Variants in INPP4A observed in about 807,000 individuals in gnomAD.
INPP4A encodes inositol polyphosphate-4-phosphatase, type I, 107kD.
INPP4A carries 33 observed loss-of-function variants against 119.8 expected under a neutral mutation model. That is an observed-to-expected ratio of 0.28 (90% CI 0.21 to 0.37). INPP4A has a LOEUF of 0.37. Ranked by LOEUF, INPP4A falls within the 10% of genes least tolerant of loss-of-function variation. The pLI is 1.00. For missense variants in INPP4A, 956 were observed against 1,289.9 expected (o/e 0.74, Z 3.97); for synonymous variants, 496 against 500.7 (o/e 0.99, Z 0.12).
intron 24 of INPP4A, chr2:98,581,524 CT>C: frequency 6.9e-7 from 1 of 1,458,316 alleles, no homozygotes; most frequent in Non-Finnish European, 9.0e-7. Context: ...TCTTTATTTT[CT>C]TTCCTTTCCT....
In INPP4A at chr2:98,566,249, C is replaced by T. The variant is rs150216109; in HGVS notation, c.2420+80C>T. 1.9e-3 allele frequency: 2,599 copies of T among 1,386,224 alleles called. 2 individuals are homozygous for T. Among genetic ancestry groups the T allele is most frequent in the Non-Finnish European group, 2.3e-3 (2,349 of 1,036,870 alleles). 85.9% of individuals were successfully genotyped at this position (1,386,224 alleles called of 1,614,324 possible). On this transcript the variant is annotated intron_variant, in intron 21 of 24. Coordinates refer to ENST00000409851, the MANE Select transcript of INPP4A (RefSeq NM_001134225.2). The surrounding 1 kb of genome is among the most constrained non-coding windows in gnomAD (Gnocchi z 4.2). ...GAAAACGTACTTACCCCTCTTCAGGCTCTAAGTGCTGGACAGACTTTGTCA... is the reference window on the plus strand; with the variant it reads ...GAAAACGTACTTACCCCTCTTCAGGTTCTAAGTGCTGGACAGACTTTGTCA...
At chr2:98,499,794 C>G (rs752515114) in intron 1 of INPP4A, among the ~76,000 whole-genome samples, 2 of 152,210 alleles carry the variant, frequency 1.3e-5, no homozygotes, top group African/African-American at 2.4e-5. Context: ...TCGTAACTTT[C>G]AAGGACAAAA....
intron 1 of INPP4A, among the ~76,000 whole-genome samples, chr2:98,455,517 G>A (rs1338283304): frequency 6.6e-6 from 1 of 152,054 alleles, no homozygotes; most frequent in Non-Finnish European, 1.5e-5. Flanking sequence ...TCCCCAACTT[G>A]CCAGTGACTT....
chr2:98,470,419 C>T (rs910418555), intron 1 of INPP4A, among the ~76,000 whole-genome samples: 3 of 152,246 alleles, frequency 2.0e-5, no homozygotes, highest in Non-Finnish European at 4.4e-5. Context: ...TAAGTCCTTG[C>T]TCCTTAGTGG....
chr2:98,582,843 A>G (rs1319346404), intron 24 of INPP4A, among the ~76,000 whole-genome samples: 2 of 152,204 alleles, frequency 1.3e-5, no homozygotes, highest in Non-Finnish European at 2.9e-5. Flanking sequence ...TCAGACACAG[A>G]AAGATCACCT....
rs1481514959 is a variant in INPP4A, at chr2:98,589,598, T to C, written c.*1990T>C. The C allele has an allele frequency of 5.6e-6, 1 of 179,164 alleles. No individual in the cohort carries two copies. The highest frequency in any genetic ancestry group is 1.2e-5 in the Non-Finnish European group (1 of 83,602). 11.1% of individuals were successfully genotyped at this position (179,164 alleles called of 1,614,324 possible). ...TCTATGTAATGGGTCACCATAAAACTGTAAGACTTGGCAAATGCTATAGAA... is the reference window on the plus strand; with the variant it reads ...TCTATGTAATGGGTCACCATAAAACCGTAAGACTTGGCAAATGCTATAGAA... On this transcript the variant is annotated 3_prime_UTR_variant, in exon 25 of 25. Transcript: ENST00000409851.
chr2:98,584,776 C>G (rs1380553132), intron 24 of INPP4A, among the ~76,000 whole-genome samples: 5 of 152,212 alleles, frequency 3.3e-5, no homozygotes, highest in Non-Finnish European at 7.3e-5. Flanking sequence ...GCTTTTTAAA[C>G]TTAAAGTATT....
chr2:98,559,575 AG>A lies in INPP4A; in HGVS notation c.1855+81del. On this transcript the variant is annotated intron_variant, in intron 17 of 24. Transcript: ENST00000409851. ...TAGTGTTTTGTAGCTAAATTACAAAAGATTGCCTTATGATCCCAGAGTTGGG... is the reference window on the plus strand; with the variant it reads ...TAGTGTTTTGTAGCTAAATTACAAAAATTGCCTTATGATCCCAGAGTTGGG... 2.1e-6 allele frequency: 3 copies of A among 1,430,236 alleles called. No individual in the cohort carries two copies. In the South Asian group the frequency reaches 3.7e-5, roughly 17 times the overall value. The allele number at this position is 1,430,236 out of a possible 1,614,324, so 88.6% of individuals were successfully genotyped here.
Position 98,590,537 on chromosome 2 carries a change from A to C in INPP4A, c.*2929A>C, listed in dbSNP as rs1205139956. ...ACGCGCCTCAGAAGTACGTGTTCAT[A>C]AATGGTAGCCATTGTTGTTACCTTC... On this transcript the variant is annotated 3_prime_UTR_variant, in exon 25 of 25. Coordinates refer to ENST00000409851, the MANE Select transcript of INPP4A (RefSeq NM_001134225.2). 1 of 195,280 alleles carries C rather than the reference A, an allele frequency of 5.1e-6. No homozygotes were observed. Among genetic ancestry groups the C allele is most frequent in the African/African-American group, 2.3e-5 (1 of 43,188 alleles). 12.1% of individuals were successfully genotyped at this position (195,280 alleles called of 1,614,324 possible).
chr2:98,508,810 C>T (rs1055587859), intron 1 of INPP4A, among the ~76,000 whole-genome samples: 2 of 152,164 alleles, frequency 1.3e-5, no homozygotes, highest in Non-Finnish European at 2.9e-5. Flanking sequence ...GTCCTAACCA[C>T]GCAGCTCTGA....
chr2:98,511,701 G>GT (rs1685148816), intron 1 of INPP4A, among the ~76,000 whole-genome samples: 1 of 152,180 alleles, frequency 6.6e-6, no homozygotes, highest in African/African-American at 2.4e-5. Flanking sequence ...TCCAACAGTA[G>GT]TCGTAACTTC....
intron 1 of INPP4A, among the ~76,000 whole-genome samples, chr2:98,511,899 T>G (rs992594309): frequency 7.9e-5 from 12 of 152,168 alleles, no homozygotes; most frequent in Non-Finnish European, 1.5e-5. Context: ...GGCCTAATTT[T>G]TGGTGATTAT....
intron 1 of INPP4A, among the ~76,000 whole-genome samples, chr2:98,506,619 G>A (rs1024341666): frequency 2.0e-5 from 3 of 152,188 alleles, no homozygotes; most frequent in African/African-American, 7.2e-5. Context: ...AGAAGTTCTT[G>A]GTCTCCTCCT....
intron 22 of INPP4A, among the ~76,000 whole-genome samples, chr2:98,571,416 G>A (rs1006012707): frequency 2.6e-5 from 4 of 152,366 alleles, no homozygotes; most frequent in Middle Eastern, 3.4e-3. Flanking sequence ...TAGGGGGCGC[G>A]TGCTGAGGCC....
In INPP4A at chr2:98,554,519, C is replaced by T. The variant is rs757962934; in HGVS notation, c.1566+30C>T. 1.1e-5 allele frequency: 17 copies of T among 1,592,258 alleles called. No individual in the cohort carries two copies. Among genetic ancestry groups the T allele is most frequent in the Non-Finnish European group, 1.5e-5 (17 of 1,164,986 alleles). ...GTCTGCTGCTGTGGCTGTCATCCCACTGCTGAACTTGGGCTGAAAACCACA... is the reference window on the plus strand; with the variant it reads ...GTCTGCTGCTGTGGCTGTCATCCCATTGCTGAACTTGGGCTGAAAACCACA... On this transcript the variant is annotated intron_variant, in intron 15 of 24. Transcript: ENST00000409851. The surrounding 1 kb of genome is among the most constrained non-coding windows in gnomAD (Gnocchi z 4.7).
At chr2:98,467,443 G>A (rs945153265) in intron 1 of INPP4A, among the ~76,000 whole-genome samples, 3 of 152,112 alleles carry the variant, frequency 2.0e-5, no homozygotes, top group Non-Finnish European at 4.4e-5. Context: ...CTGTTTAAAC[G>A]CTTTCTCCTT....
intron 1 of INPP4A, among the ~76,000 whole-genome samples, chr2:98,490,566 C>T (rs1437730113): frequency 6.6e-6 from 1 of 152,192 alleles, no homozygotes; most frequent in African/African-American, 2.4e-5. Context: ...TGACACTTCA[C>T]TGGTTCATAT....
At position 98,590,149 on chromosome 2, in the gene INPP4A, A is replaced by G. The variant is rs561242399; in HGVS notation, c.*2541A>G. ...TGACACATAATAAATAACTGACAAGATATTAAATGTGGTCTTGCCTGATTC... is the reference window on the plus strand; with the variant it reads ...TGACACATAATAAATAACTGACAAGGTATTAAATGTGGTCTTGCCTGATTC... On this transcript the variant is annotated 3_prime_UTR_variant, in exon 25 of 25. Transcript: ENST00000409851. 1 of 199,994 alleles carries G rather than the reference A, an allele frequency of 5.0e-6. No individual in the cohort carries two copies. Among genetic ancestry groups the G allele is most frequent in the Admixed American group, 6.0e-5 (1 of 16,612 alleles). The allele number at this position is 199,994 out of a possible 1,614,324, so 12.4% of individuals were successfully genotyped here. A position where few individuals can be genotyped will look rare whatever the true frequency, so the allele number is the denominator to read the frequency against.
At chr2:98,548,369 C>T (rs970045519) in intron 13 of INPP4A, among the ~76,000 whole-genome samples, 17 of 151,998 alleles carry the variant, frequency 1.1e-4, no homozygotes, top group Admixed American at 6.5e-4. Flanking sequence ...AGGAAGAAGA[C>T]GCAGCTTCCT....
Sources: gnomAD v4.1 joint callset for allele counts (sites outside exome capture counted in the v4.1 genomes callset) on GRCh38, gnomAD v4.1.1 for gene constraint, Gnocchi (gnomAD v3.1) non-coding constraint, MANE v1.5 for transcripts, NCBI Gene and HGNC (gene_info 2026-07-23, HGNC 2026-07-21) for gene names.